Variants in RNF144B observed in about 807,000 individuals in gnomAD.
RNF144B encodes the protein E3 ubiquitin-protein ligase RNF144B.
RNF144B carries 25 observed loss-of-function variants against 40.2 expected under a neutral mutation model. That is an observed-to-expected ratio of 0.62 (90% CI 0.45 to 0.87). The LOEUF is 0.87. Ranked by LOEUF, RNF144B falls within the 40% of genes least tolerant of loss-of-function variation. RNF144B has a pLI of 0.00. For missense variants in RNF144B, 365 were observed against 373.7 expected (o/e 0.98, Z 0.19); for synonymous variants, 145 against 136.3 (o/e 1.06, Z -0.44).
chr6:18,431,598 T>TA (rs1758697522), intron 3 of RNF144B, among the ~76,000 whole-genome samples: 1 of 152,346 alleles, frequency 6.6e-6, no homozygotes, highest in African/African-American at 2.4e-5. Context: ...TTCTGCCTTT[T>TA]AAAAAATGCT....
At chr6:18,409,849 C>T (rs544034719) in intron 2 of RNF144B, among the ~76,000 whole-genome samples, 4 of 152,216 alleles carry the variant, frequency 2.6e-5, no homozygotes, top group Admixed American at 2.6e-4. Flanking sequence ...GGATTACAGG[C>T]GTGAGCCACT....
chr6:18,419,773 G>A lies in RNF144B; in HGVS notation c.166-7808G>A, dbSNP rs72832446. The stretch of plus-strand genomic sequence containing the variant: ...CAAACATTTGATTGTGAAGAGTTGA[G>A]GAGTGAAGAAGGCAGTATACAGCCA... On this transcript the variant is annotated intron_variant, in intron 2 of 7. Transcript: ENST00000259939. This position sits in a 1 kb window ranked among gnomAD's most constrained non-coding sequence, Gnocchi z 4.6. Among the ~76,000 whole-genome samples, 316 of 152,236 alleles carry A rather than the reference G, an allele frequency of 2.1e-3. 2 individuals carry two copies. The highest frequency in any genetic ancestry group is 0.017 in the Middle Eastern group (5 of 294).
chr6:18,440,013 T>C (rs759301761), intron 4 of RNF144B, among the ~76,000 whole-genome samples: 82 of 152,182 alleles, frequency 5.4e-4, no homozygotes, highest in Non-Finnish European at 1.0e-3. Context: ...TTGCAAAATT[T>C]AGATGGCTTT....
intron 2 of RNF144B, among the ~76,000 whole-genome samples, chr6:18,413,670 G>T (rs975279972): frequency 1.3e-5 from 2 of 152,136 alleles, no homozygotes; most frequent in African/African-American, 4.8e-5. Context: ...CCCTCCAGGC[G>T]CATTGTGTCT....
In RNF144B at chr6:18,446,895, T is replaced by C. The variant is rs1759096870; in HGVS notation, c.331+7151T>C. ...TGTGTCTGTGTGTGTGTTGTGTGTTTGTTGGCTCAACAAATATGTCAGGAC... is the reference window on the plus strand; with the variant it reads ...TGTGTCTGTGTGTGTGTTGTGTGTTCGTTGGCTCAACAAATATGTCAGGAC... On this transcript the variant is annotated intron_variant, in intron 4 of 7. Coordinates refer to ENST00000259939, the MANE Select transcript of RNF144B (RefSeq NM_182757.4). This position sits in a 1 kb window ranked among gnomAD's most constrained non-coding sequence, Gnocchi z 4.7. Among the ~76,000 whole-genome samples, 1 of 150,764 alleles carries C rather than the reference T, an allele frequency of 6.6e-6. No individual in the cohort carries two copies. The highest frequency in any genetic ancestry group is 1.5e-5 in the Non-Finnish European group (1 of 67,944).
intron 4 of RNF144B, among the ~76,000 whole-genome samples, chr6:18,440,882 T>TAAA (rs1381560416): frequency 3.8e-4 from 54 of 141,004 alleles, no homozygotes; most frequent in Non-Finnish European, 3.1e-5. Flanking sequence ...TATATTAAGC[T>TAAA]AAATATACCA....
intron 1 of RNF144B, among the ~76,000 whole-genome samples, chr6:18,399,206 T>G (rs1794748599): frequency 1.3e-5 from 2 of 152,272 alleles, no homozygotes; most frequent in Non-Finnish European, 2.9e-5. Flanking sequence ...TAAATGAAAC[T>G]TTGTAAGCTT....
rs1437601247 is a variant in RNF144B at position 18,412,665 on chromosome 6, T to C, written c.165+12966T>C. 6.6e-6 allele frequency among the ~76,000 whole-genome samples: 1 copy of C among 152,192 alleles called. No individual in the cohort carries two copies. Among genetic ancestry groups the C allele is most frequent in the East Asian group, 1.9e-4 (1 of 5,198 alleles). ...GGTGAGTTAACTAGAAAATTCAGTT[T>C]TTTAAAATCCCATTTTCTGTATATT... On this transcript the variant is annotated intron_variant, in intron 2 of 7. Coordinates refer to ENST00000259939, the MANE Select transcript of RNF144B (RefSeq NM_182757.4). The surrounding 1 kb of genome is among the most constrained non-coding windows in gnomAD (Gnocchi z 4.2).
intron 1 of RNF144B, among the ~76,000 whole-genome samples, chr6:18,394,326 G>A (rs1333640599): frequency 6.6e-6 from 1 of 152,186 alleles, no homozygotes; most frequent in Admixed American, 6.5e-5. Context: ...ATAGCTGGGT[G>A]TGGTGGCTTA....
chr6:18,432,482 T>C lies in RNF144B; in HGVS notation c.270+4797T>C, dbSNP rs545453707. 5.3e-5 allele frequency among the ~76,000 whole-genome samples: 8 copies of C among 152,358 alleles called. No individual in the cohort carries two copies. In the East Asian group the frequency reaches 1.3e-3, roughly 26 times the overall value. ...TGCAGAGCTTTTCCAATGTACTTGA[T>C]CTTGTAATCATGTCCAACATGAAAT... On this transcript the variant is annotated intron_variant, in intron 3 of 7. Transcript: ENST00000259939.
At chr6:18,420,102 G>A (rs1005011930) in intron 2 of RNF144B, among the ~76,000 whole-genome samples, 1 of 151,930 alleles carries the variant, frequency 6.6e-6, no homozygotes, top group Non-Finnish European at 1.5e-5. Context: ...CACAGACTGA[G>A]TATCCCCTAT....
At chr6:18,421,588 G>A (rs182578360) in intron 2 of RNF144B, among the ~76,000 whole-genome samples, 12 of 152,192 alleles carry the variant, frequency 7.9e-5, no homozygotes, top group African/African-American at 2.4e-4. Context: ...AAGCAGGGTG[G>A]CACCACAGAC....
intron 4 of RNF144B, among the ~76,000 whole-genome samples, chr6:18,453,887 C>CAA (rs1759270860): frequency 6.6e-6 from 1 of 152,194 alleles, no homozygotes; most frequent in East Asian, 1.9e-4. Flanking sequence ...AAGATGCTTT[C>CAA]AGCTGCAAGG....
chr6:18,391,817 G>A (rs6914967), intron 1 of RNF144B, among the ~76,000 whole-genome samples: 10,497 of 151,178 alleles, frequency 0.069, 465 homozygotes, highest in Middle Eastern at 0.12. Context: ...GCAGTGAGCC[G>A]AGATCGGGCC....
In RNF144B at chr6:18,422,132, G is replaced by A. The variant is rs1562047679; in HGVS notation, c.166-5449G>A. On this transcript the variant is annotated intron_variant, in intron 2 of 7. Coordinates refer to ENST00000259939, the MANE Select transcript of RNF144B (RefSeq NM_182757.4). The surrounding 1 kb of genome is among the most constrained non-coding windows in gnomAD (Gnocchi z 4.7). ...GAAACAGCTTCCTGCCTAGCTATAG[G>A]TTGTTAATTTGTCTGAATATTTTCA... 2.0e-5 allele frequency among the ~76,000 whole-genome samples: 3 copies of A among 152,180 alleles called. No homozygotes were observed. The highest frequency in any genetic ancestry group is 4.8e-5 in the African/African-American group (2 of 41,450).
Position 18,457,273 on chromosome 6 carries a change from G to T in RNF144B, c.450G>T (p.Leu150=). Residue 150 remains leucine (L), a synonymous_variant, in exon 5 of 8, where the codon CTG becomes CTT. Transcript: ENST00000259939. This position sits in a 1 kb window ranked among gnomAD's most constrained non-coding sequence, Gnocchi z 5.1. ...PVLVECPSCH[L]KFCSCCKDAW... ...TGGTGGAATGCCCTTCTTGCCACCT[G>T]AAATTCTGCTCGTGTTGCAAGGATG... 1.2e-6 allele frequency: 2 copies of T among 1,614,182 alleles called. No individual in the cohort carries two copies. Among genetic ancestry groups the T allele is most frequent in the African/African-American group, 1.3e-5 (1 of 75,044 alleles).
At chr6:18,413,968 G>GA (rs1795097105) in intron 2 of RNF144B, among the ~76,000 whole-genome samples, 1 of 151,956 alleles carries the variant, frequency 6.6e-6, no homozygotes. Flanking sequence ...CAATTAATAT[G>GA]AAAAAAGCCC....
chr6:18,462,070 A>G (rs950254023), intron 6 of RNF144B, among the ~76,000 whole-genome samples: 1 of 152,192 alleles, frequency 6.6e-6, no homozygotes, highest in Admixed American at 6.5e-5. Flanking sequence ...CAACATATCC[A>G]TGCATTCGGC....
chr6:18,398,294 C>T lies in RNF144B; in HGVS notation c.-36-1205C>T, dbSNP rs919399660. ...TAGCATGATGTCTTCAAGGTTCATCCATGTTGTAGCATGTGTCAGAATTTT... is the reference window on the plus strand; with the variant it reads ...TAGCATGATGTCTTCAAGGTTCATCTATGTTGTAGCATGTGTCAGAATTTT... On this transcript the variant is annotated intron_variant, in intron 1 of 7. Transcript: ENST00000259939. This position sits in a 1 kb window ranked among gnomAD's most constrained non-coding sequence, Gnocchi z 5.0. Among the ~76,000 whole-genome samples the T allele has an allele frequency of 1.2e-4, 18 of 152,164 alleles. No homozygotes were observed. The highest frequency in any genetic ancestry group is 2.4e-4 in the Non-Finnish European group (16 of 68,028).
Sources: allele counts gnomAD v4.1 joint callset (sites outside exome capture counted in the v4.1 genomes callset), GRCh38; gene constraint gnomAD v4.1.1; non-coding constraint Gnocchi (gnomAD v3.1); transcripts MANE v1.5; gene names NCBI Gene and HGNC (gene_info 2026-07-23, HGNC 2026-07-21).